PRKN: variants seen among roughly 807,000 people sequenced by gnomAD.
PRKN encodes parkin RBR E3 ubiquitin protein ligase, also known as E3 ubiquitin-protein ligase parkin.
In PRKN, 56 loss-of-function variants were observed where a neutral mutation model predicts 59.5. The observed-to-expected ratio is 0.94, with a 90% confidence interval of 0.76 to 1.18. The LOEUF (loss-of-function observed/expected upper bound fraction) is 1.18, where lower values mean the gene tolerates loss of function less well. Ranked by LOEUF, PRKN falls within the 50% of genes most tolerant of loss-of-function variation. The pLI is 0.00. For synonymous variants in PRKN, 250 were observed against 222.1 expected (o/e 1.13, Z -1.12); for missense variants, 657 against 596.4 (o/e 1.10, Z -1.06).
Position 161,499,130 on chromosome 6 carries a change from AC to A in PRKN, c.1083+49723del, listed in dbSNP as rs1777862262. Among the ~76,000 whole-genome samples, 1 of 107,268 alleles carries A rather than the reference AC, an allele frequency of 9.3e-6. No homozygotes were observed. Among genetic ancestry groups the A allele is most frequent in the South Asian group, 3.2e-4 (1 of 3,138 alleles). 70.4% of individuals were successfully genotyped at this position (107,268 alleles called of 152,430 possible). A position where few individuals can be genotyped will look rare whatever the true frequency, so the allele number is the denominator to read the frequency against. ...GCAGGGTCTGGACACACACACACACACATTTTTTTTTTTTTTTTGGCTCACA... is the reference window on the plus strand; with the variant it reads ...GCAGGGTCTGGACACACACACACACAATTTTTTTTTTTTTTTTGGCTCACA... On this transcript the variant is annotated intron_variant, in intron 9 of 11. Transcript: ENST00000366898. This position sits in a 1 kb window ranked among gnomAD's most constrained non-coding sequence, Gnocchi z 4.2.
intron 2 of PRKN, among the ~76,000 whole-genome samples, chr6:162,285,266 ATTTTTTTTTTTTT>A (rs11392809): frequency 1.0e-5 from 1 of 95,926 alleles, no homozygotes; most frequent in Non-Finnish European, 2.0e-5. Context: ...TATTTTGGAG[ATTTTTTTTTTTTT>A]TTTTTTTTTT....
In PRKN at chr6:161,581,625, T is replaced by C. The variant is rs991507993; in HGVS notation, c.872-12209A>G. Among the ~76,000 whole-genome samples the C allele has an allele frequency of 1.3e-5, 2 of 151,996 alleles. No individual in the cohort carries two copies. Among genetic ancestry groups the C allele is most frequent in the Non-Finnish European group, 2.9e-5 (2 of 68,028 alleles). ...GGTGAAGGGCGTTGGGCCTATGTCA[T>C]CAACAGTGAGCAAGAGACAGGAAAT... On this transcript the variant is annotated intron_variant, in intron 7 of 11. Coordinates refer to ENST00000366898, the MANE Select transcript of PRKN (RefSeq NM_004562.3). This position sits in a 1 kb window ranked among gnomAD's most constrained non-coding sequence, Gnocchi z 4.5.
chr6:161,412,614 C>T (rs1194275135), intron 9 of PRKN, among the ~76,000 whole-genome samples: 5 of 143,496 alleles, frequency 3.5e-5, no homozygotes, highest in Non-Finnish European at 7.5e-5. Flanking sequence ...ACTTATTCCT[C>T]CACTCACTCA....
intron 7 of PRKN, among the ~76,000 whole-genome samples, 187 bp downstream of exon 7, chr6:161,785,585 A>G (rs1462236654): frequency 6.6e-6 from 1 of 152,206 alleles, no homozygotes; most frequent in East Asian, 1.9e-4. Flanking sequence ...TTCCAGTTCA[A>G]CACAATTCCT....
rs1419269438 is a variant in PRKN, at chr6:162,552,781, G to C, written c.8-109308C>G. ...GAATATAACTCAAGGAGAAGATAGA[G>C]AGGACGTGGGGCCAAGCTCTGAGGA... On this transcript the variant is annotated intron_variant, in intron 1 of 11. Transcript: ENST00000366898. Among the ~76,000 whole-genome samples, 7 of 152,208 alleles carry C rather than the reference G, an allele frequency of 4.6e-5. No homozygotes were observed. The East Asian group carries it at 1.4e-3, about 30-fold the overall frequency.
At chr6:162,066,411 T>C (rs1394522334) in intron 4 of PRKN, among the ~76,000 whole-genome samples, 1 of 152,218 alleles carries the variant, frequency 6.6e-6, no homozygotes, top group East Asian at 1.9e-4. Flanking sequence ...AACACATATA[T>C]TATGCTCTTT....
At chr6:162,144,700 T>C (rs1307842362) in intron 4 of PRKN, among the ~76,000 whole-genome samples, 3 of 152,176 alleles carry the variant, frequency 2.0e-5, no homozygotes, top group Non-Finnish European at 2.9e-5. Context: ...GTAGTTCTAA[T>C]TGACTGCTGA....
chr6:162,007,898 A>T (rs1177551978), intron 5 of PRKN, among the ~76,000 whole-genome samples: 1 of 152,182 alleles, frequency 6.6e-6, no homozygotes, highest in Non-Finnish European at 1.5e-5. Context: ...TTTACATGTC[A>T]TTCCAATACA....
At chr6:161,873,530 G>A (rs1294952256) in intron 6 of PRKN, among the ~76,000 whole-genome samples, 2 of 151,754 alleles carry the variant, frequency 1.3e-5, no homozygotes, top group African/African-American at 4.8e-5. Context: ...AGCATCCACC[G>A]CGCATCAGAC....
intron 1 of PRKN, among the ~76,000 whole-genome samples, chr6:162,501,461 C>T (rs1793367162): frequency 2.0e-5 from 3 of 151,088 alleles, no homozygotes; most frequent in Admixed American, 2.0e-4. Context: ...AATTCTAGTG[C>T]CTCAGCCTCC....
chr6:162,210,828 TA>T (rs905103887), intron 3 of PRKN, among the ~76,000 whole-genome samples: 3 of 151,948 alleles, frequency 2.0e-5, no homozygotes, highest in African/African-American at 4.8e-5. Flanking sequence ...TAATATGCTT[TA>T]AAAAAAAGTA....
intron 6 of PRKN, among the ~76,000 whole-genome samples, chr6:161,850,681 G>T (rs1793396896): frequency 6.6e-6 from 1 of 150,780 alleles, no homozygotes; most frequent in Admixed American, 6.6e-5. Flanking sequence ...AATTTCCCTT[G>T]CAATGGAGCA....
chr6:162,674,782 C>T (rs1284444139), intron 1 of PRKN, among the ~76,000 whole-genome samples: 1 of 152,158 alleles, frequency 6.6e-6, no homozygotes, highest in Non-Finnish European at 1.5e-5. Context: ...AACATCAATA[C>T]TCCAGGCAAC....
chr6:162,373,233 T>C (rs1158642327), intron 2 of PRKN, among the ~76,000 whole-genome samples: 1 of 152,218 alleles, frequency 6.6e-6, no homozygotes, highest in Non-Finnish European at 1.5e-5. Context: ...CAGAATTTCA[T>C]TGCAAGTTTA....
chr6:162,706,833 C>A (rs1398901084), intron 1 of PRKN, among the ~76,000 whole-genome samples: 1 of 152,098 alleles, frequency 6.6e-6, no homozygotes, highest in African/African-American at 2.4e-5. Flanking sequence ...AATGACTAAA[C>A]AATTCTTAAG....
At chr6:161,438,323 T>C (rs1357778666) in intron 9 of PRKN, among the ~76,000 whole-genome samples, 2 of 150,000 alleles carry the variant, frequency 1.3e-5, no homozygotes, top group Non-Finnish European at 2.9e-5. Context: ...GTTCAAGTGA[T>C]TCTCCTGCCT....
chr6:162,588,210 C>A (rs904312453), intron 1 of PRKN, among the ~76,000 whole-genome samples: 1 of 151,614 alleles, frequency 6.6e-6, no homozygotes, highest in African/African-American at 2.4e-5. Flanking sequence ...AGGGTTTCAC[C>A]ATGTTGGCCA....
intron 5 of PRKN, among the ~76,000 whole-genome samples, chr6:162,000,270 TAA>T (rs1264746737): frequency 6.6e-6 from 1 of 152,136 alleles, no homozygotes; most frequent in African/African-American, 2.4e-5. Flanking sequence ...CAGTAATGAA[TAA>T]GAGTTTTTCT....
intron 9 of PRKN, among the ~76,000 whole-genome samples, chr6:161,492,141 TTTG>T (rs34682466): frequency 0.41 from 62,674 of 151,878 alleles, 15,794 homozygotes; most frequent in Middle Eastern, 0.58. Flanking sequence ...GTGAAAGCAC[TTTG>T]TTAAGACCTA....
Sources: allele counts gnomAD v4.1 joint callset (sites outside exome capture counted in the v4.1 genomes callset), GRCh38; gene constraint gnomAD v4.1.1; non-coding constraint Gnocchi (gnomAD v3.1); transcripts MANE v1.5; gene names NCBI Gene and HGNC (gene_info 2026-07-23, HGNC 2026-07-21).